The following MINDY1 variants were observed in gnomAD, a reference collection of about 807,000 sequenced individuals.
The protein encoded by MINDY1 is ubiquitin carboxyl-terminal hydrolase MINDY-1.
MINDY1 carries 50 observed loss-of-function variants against 53.6 expected under a neutral mutation model. That is an observed-to-expected ratio of 0.93 (90% CI 0.74 to 1.18). The LOEUF is 1.18. Ranked by LOEUF, MINDY1 falls within the 50% of genes most tolerant of loss-of-function variation. The pLI is 0.00. For missense variants in MINDY1, 484 were observed against 578.6 expected (o/e 0.84, Z 1.68); for synonymous variants, 231 against 234.7 (o/e 0.98, Z 0.14).
Position 150,999,911 on chromosome 1 carries a change from C to T in MINDY1, c.789G>A (p.Glu263=). ...TGGAGTGTTTGCAGGTGATGATCCT[C>T]TCCACCAGCTGGTTGTAACTCAGTT... ...VGKLSYNQLV[E]RIITCKHSSD... is the part of the protein sequence containing the mutation. The change falls in exon 6 of 10, where the codon GAG becomes GAA. Residue 263 remains glutamate (E), a synonymous_variant. Coordinates refer to ENST00000683666, the MANE Select transcript of MINDY1 (RefSeq NM_001376665.1). This position sits in a 1 kb window ranked among gnomAD's most constrained non-coding sequence, Gnocchi z 4.4. The T allele has an allele frequency of 6.2e-7, 1 of 1,614,094 alleles. No individual in the cohort carries two copies. The highest frequency in any genetic ancestry group is 1.1e-5 in the South Asian group (1 of 91,082).
In MINDY1 at chr1:151,002,138, TGCACCCCTAA is replaced by T. The variant is rs1463127805; in HGVS notation, c.453+17_453+26del. On this transcript the variant is annotated intron_variant, in intron 2 of 9. Coordinates refer to ENST00000683666, the MANE Select transcript of MINDY1 (RefSeq NM_001376665.1). This position sits in a 1 kb window ranked among gnomAD's most constrained non-coding sequence, Gnocchi z 4.1. ...GGGAAGAGTACTCCCTGATATTTTTTGCACCCCTAACTGCATGTTCTCTTACCTTCCACTG... is the reference window on the plus strand; with the variant it reads ...GGGAAGAGTACTCCCTGATATTTTTTCTGCATGTTCTCTTACCTTCCACTG... 6.4e-7 allele frequency: 1 copy of T among 1,560,176 alleles called. No individual in the cohort carries two copies. The highest frequency in any genetic ancestry group is 1.9e-5 in the Admixed American group (1 of 52,134).
At position 151,006,598 on chromosome 1, in the gene MINDY1, C is replaced by T. The variant is rs913205431; in HGVS notation, c.-376G>A. The T allele has an allele frequency of 5.5e-5, 54 of 990,106 alleles. No homozygotes were observed. Among genetic ancestry groups the T allele is most frequent in the Non-Finnish European group, 6.4e-5 (53 of 833,174 alleles). 61.3% of individuals were successfully genotyped at this position (990,106 alleles called of 1,614,324 possible). ...CAGAGAGTCTTCAGGATTCCTGAGTCGCCGAGTCTATGGCATGCGCTCCGG... is the reference window on the plus strand; with the variant it reads ...CAGAGAGTCTTCAGGATTCCTGAGTTGCCGAGTCTATGGCATGCGCTCCGG... On this transcript the variant is annotated 5_prime_UTR_variant, in exon 1 of 10. Transcript: ENST00000683666.
intron 1 of MINDY1, among the ~76,000 whole-genome samples, chr1:151,004,252 G>A (rs1016154754): frequency 3.9e-5 from 6 of 151,994 alleles, no homozygotes; most frequent in Non-Finnish European, 8.8e-5. Context: ...TGTGAACACC[G>A]GACCTGTTTA....
At chr1:150,998,015 A>T in intron 8 of MINDY1, 67 bp downstream of exon 8, 6 of 1,493,700 alleles carry the variant, frequency 4.0e-6, no homozygotes, top group Non-Finnish European at 5.4e-6. Context: ...AGCAGTTAAA[A>T]TGTATGCAGT....
At position 151,000,479 on chromosome 1, in the gene MINDY1, T is replaced by C; in HGVS notation, c.713A>G (p.His238Arg). The change falls in exon 5 of 10, where the codon CAT (histidine) becomes CGT (arginine). Residue 238 changes from histidine (H) to arginine (R), a missense_variant. Transcript: ENST00000683666. The stretch of plus-strand genomic sequence containing the variant: ...CACCTGTGGATCAACAAGCCAGCCA[T>C]GGTACAGAGGTATGCCTAGCAGGTC... Reference protein sequence around the residue: ...VFDLLGIPLYHGWLVDPQSPE... With the variant: ...VFDLLGIPLYRGWLVDPQSPE... The C allele has an allele frequency of 6.2e-7, 1 of 1,607,870 alleles. No individual in the cohort carries two copies.
intron 4 of MINDY1, 104 bp downstream of exon 4, chr1:151,001,146 G>T: frequency 8.4e-7 from 1 of 1,185,780 alleles, no homozygotes; most frequent in Non-Finnish European, 1.2e-6. Flanking sequence ...ATGAAATCAT[G>T]GTTCAAGGAA....
At chr1:150,997,412 C>T (rs747516882) in intron 9 of MINDY1, 45 bp from the exon 10 acceptor site, 12 of 1,567,934 alleles carry the variant, frequency 7.7e-6, no homozygotes, top group Non-Finnish European at 8.7e-6. Flanking sequence ...CTTGGAAGAG[C>T]ACAAGAAGAG....
intron 3 of MINDY1, 81 bp downstream of exon 3, chr1:151,001,644 C>T: frequency 3.3e-6 from 5 of 1,525,942 alleles, no homozygotes; most frequent in South Asian, 1.2e-5. Flanking sequence ...AAATGGAGAT[C>T]CCTGAATAGT....
At chr1:151,001,556 G>A (rs758649314) in intron 3 of MINDY1, among the ~76,000 whole-genome samples, 169 bp downstream of exon 3, 5 of 152,176 alleles carry the variant, frequency 3.3e-5, no homozygotes, top group African/African-American at 4.8e-5. Context: ...CAGGACTCCC[G>A]ACGCCTTTGC....
At position 150,997,702 on chromosome 1, in the gene MINDY1, C is replaced by T; in HGVS notation, c.1251G>A (p.Gln417=). The change falls in exon 9 of 10, where the codon CAG becomes CAA. Residue 417 remains glutamine (Q), a synonymous_variant. Transcript: ENST00000683666. Reference sequence around the variant, plus strand: ...GTTGATACTCCTCTTGCTGAAGCTGCTGGGCCAGCTCCAAGTCGGTAAGCC... The same window carrying T: ...GTTGATACTCCTCTTGCTGAAGCTGTTGGGCCAGCTCCAAGTCGGTAAGCC... ...PLGLTDLELA[Q]QLQQEEYQQQ... 6.2e-7 allele frequency: 1 copy of T among 1,613,762 alleles called. No individual in the cohort carries two copies. The highest frequency in any genetic ancestry group is 8.5e-7 in the Non-Finnish European group (1 of 1,180,028).
Position 150,999,519 on chromosome 1 carries a change from A to G in MINDY1, c.839-8T>C, listed in dbSNP as rs955753160. On this transcript the variant is annotated splice_region_variant and splice_polypyrimidine_tract_variant and intron_variant, in intron 6 of 9. Transcript: ENST00000683666. The surrounding 1 kb of genome is among the most constrained non-coding windows in gnomAD (Gnocchi z 4.4). ...ACTGCTCTGCAATCAGGCCTGCCAGAAAGGGACGAGTCGGGGGAAACTTGG... is the reference window on the plus strand; with the variant it reads ...ACTGCTCTGCAATCAGGCCTGCCAGGAAGGGACGAGTCGGGGGAAACTTGG... 1.2e-6 allele frequency: 2 copies of G among 1,613,722 alleles called. No homozygotes were observed. The highest frequency in any genetic ancestry group is 2.7e-5 in the African/African-American group (2 of 75,010).
chr1:151,003,241 C>A (rs587669307), intron 1 of MINDY1, among the ~76,000 whole-genome samples: 1 of 152,232 alleles, frequency 6.6e-6, no homozygotes, highest in South Asian at 2.1e-4. Flanking sequence ...CTTCTCTCTG[C>A]CTCACCCAAG....
upstream of MINDY1, among the ~76,000 whole-genome samples, chr1:151,007,517 GAAGAA>G (rs1673362886): frequency 6.6e-6 from 1 of 152,066 alleles, no homozygotes; most frequent in Non-Finnish European, 1.5e-5. Context: ...AGAAGAAGAA[GAAGAA>G]AAGAACTGGC....
chr1:151,008,161 G>A (rs1265138946), upstream of MINDY1: 3 of 827,202 alleles, frequency 3.6e-6, no homozygotes, highest in South Asian at 4.5e-5. Flanking sequence ...CCAGATGCTC[G>A]GTGTGATATA....
intron 1 of MINDY1, among the ~76,000 whole-genome samples, chr1:151,004,034 T>C (rs2102860484): frequency 6.6e-6 from 1 of 152,246 alleles, no homozygotes. Flanking sequence ...GTGATTCTCC[T>C]GCCTCAGCCT....
Position 150,998,247 on chromosome 1 carries a change from G to C in MINDY1, c.1008C>G (p.Asp336Glu). ...HKSHLYLLVT[D>E]QGFLQEEQVV... ...CTTGCTCCTCCTGTAGAAAGCCCTGGTCAGTGACCAGTAGGTATAAGTGAC... is the reference window on the plus strand; with the variant it reads ...CTTGCTCCTCCTGTAGAAAGCCCTGCTCAGTGACCAGTAGGTATAAGTGAC... The change falls in exon 8 of 10, where the codon GAC becomes GAG. Residue 336 changes from aspartate (D) to glutamate (E), a missense_variant. Physicochemically the swap from Asp to Glu is conservative, Grantham distance 45. Coordinates refer to ENST00000683666, the MANE Select transcript of MINDY1 (RefSeq NM_001376665.1). 1 of 1,613,978 alleles carries C rather than the reference G, an allele frequency of 6.2e-7. No individual in the cohort carries two copies. Among genetic ancestry groups the C allele is most frequent in the Non-Finnish European group, 8.5e-7 (1 of 1,179,978 alleles).
chr1:151,003,230 C>A (rs1001015652), intron 1 of MINDY1, among the ~76,000 whole-genome samples: 2 of 152,154 alleles, frequency 1.3e-5, no homozygotes, highest in Non-Finnish European at 1.5e-5. Flanking sequence ...TTTAGGGATA[C>A]CTTCTCTCTG....
At chr1:151,003,003 CAG>C (rs949408945) in intron 1 of MINDY1, 2 of 1,169,536 alleles carry the variant, frequency 1.7e-6, no homozygotes, top group East Asian at 9.0e-5. Flanking sequence ...GGAGGAAAGA[CAG>C]AGAGAAAGGG....
Position 151,002,986 on chromosome 1 carries a change from A to C in MINDY1, c.-89-280T>G. 1 of 1,213,200 alleles carries C rather than the reference A, an allele frequency of 8.2e-7. No individual in the cohort carries two copies. Among genetic ancestry groups the C allele is most frequent in the Non-Finnish European group, 1.0e-6 (1 of 968,776 alleles). 75.2% of individuals were successfully genotyped at this position (1,213,200 alleles called of 1,614,324 possible). ...CAGCTTCCCTGAAACAGATCATGAC[A>C]GGGAAGGGAGGAAAGACAGAGAGAA... On this transcript the variant is annotated intron_variant, in intron 1 of 9. Coordinates refer to ENST00000683666, the MANE Select transcript of MINDY1 (RefSeq NM_001376665.1). The surrounding 1 kb of genome is among the most constrained non-coding windows in gnomAD (Gnocchi z 4.1).
Sources: gnomAD v4.1 joint callset for allele counts (sites outside exome capture counted in the v4.1 genomes callset) on GRCh38, gnomAD v4.1.1 for gene constraint, Gnocchi (gnomAD v3.1) non-coding constraint, MANE v1.5 for transcripts, NCBI Gene and HGNC (gene_info 2026-07-23, HGNC 2026-07-21) for gene names.